The following KAZN variants were observed in gnomAD, a reference collection of about 807,000 sequenced individuals.
KAZN encodes kazrin.
A neutral mutation model predicts 87.4 loss-of-function variants in KAZN; 40 were observed. That is an observed-to-expected ratio of 0.46 (90% CI 0.36 to 0.60). The LOEUF is 0.60. KAZN is among the 20% of genes least tolerant of loss of function. The pLI is 0.00. For missense variants in KAZN, 898 were observed against 1,073.9 expected (o/e 0.84, Z 2.29); for synonymous variants, 466 against 458.3 (o/e 1.02, Z -0.22).
chr1:14,056,235 C>T (rs531306251), intron 1 of KAZN, among the ~76,000 whole-genome samples: 9 of 152,300 alleles, frequency 5.9e-5, no homozygotes, highest in South Asian at 2.1e-4. Context: ...ACATGGCAGA[C>T]GAGCTCCGCA....
At position 15,065,614 on chromosome 1, in the gene KAZN, G is replaced by A. The variant is rs746867156; in HGVS notation, c.1099-16G>A. ...CTTCTCCCCCACCCTCTTCCACGTG[G>A]CTCCTGACTCCTCAGTCACTAGAGG... On this transcript the variant is annotated splice_polypyrimidine_tract_variant and intron_variant, in intron 7 of 14. Transcript: ENST00000376030. The A allele has an allele frequency of 1.3e-6, 2 of 1,596,524 alleles. No individual in the cohort carries two copies. Among genetic ancestry groups the A allele is most frequent in the Non-Finnish European group, 1.7e-6 (2 of 1,168,362 alleles).
chr1:14,173,575 A>G (rs1646001587), intron 1 of KAZN, among the ~76,000 whole-genome samples: 1 of 152,212 alleles, frequency 6.6e-6, no homozygotes, highest in African/African-American at 2.4e-5. Flanking sequence ...ACTATTGAGA[A>G]AGAGATAGCT....
In KAZN at chr1:14,239,407, C is replaced by CTGACTTT. The variant is rs373125624; in HGVS notation, c.249+58818_249+58824dup. Among the ~76,000 whole-genome samples, 384 of 149,774 alleles carry CTGACTTT rather than the reference C, an allele frequency of 2.6e-3. 2 individuals carry two copies. Among genetic ancestry groups the CTGACTTT allele is most frequent in the Middle Eastern group, 0.014 (4 of 280 alleles). ...TAAAGAGGAAACTAAAGAGTTTGAG[C>CTGACTTT]TGACTTTTGTTTTACTTGGCAGTAA... On this transcript the variant is annotated intron_variant, in intron 2 of 16. Coordinates refer to the KAZN transcript ENST00000636203.
At chr1:14,282,540 C>G (rs1652915959) in intron 2 of KAZN, among the ~76,000 whole-genome samples, 1 of 152,202 alleles carries the variant, frequency 6.6e-6, no homozygotes. Context: ...ACAGAATGCT[C>G]TAATTCTTTC....
At chr1:14,922,716 C>T (rs1480261216) in intron 1 of KAZN, among the ~76,000 whole-genome samples, 4 of 146,648 alleles carry the variant, frequency 2.7e-5, no homozygotes, top group Non-Finnish European at 4.4e-5. Context: ...CGCTTGAACC[C>T]GGGAGGCGGA....
chr1:14,681,203 A>T (rs1232764903), intron 1 of KAZN, among the ~76,000 whole-genome samples: 1 of 152,194 alleles, frequency 6.6e-6, no homozygotes, highest in African/African-American at 2.4e-5. Context: ...TCGCAACATG[A>T]GGTTTGGGTG....
intron 1 of KAZN, among the ~76,000 whole-genome samples, chr1:14,742,007 T>C (rs929212020): frequency 6.6e-6 from 1 of 152,188 alleles, no homozygotes; most frequent in Non-Finnish European, 1.5e-5. Flanking sequence ...ATTCACCTTC[T>C]TGATACTATG....
chr1:14,379,363 GA>G (rs1557675895), intron 2 of KAZN, among the ~76,000 whole-genome samples: 1 of 151,990 alleles, frequency 6.6e-6, no homozygotes, highest in Non-Finnish European at 1.5e-5. Flanking sequence ...AAAGTAGGGG[GA>G]AAAGTAAACA....
intron 2 of KAZN, among the ~76,000 whole-genome samples, chr1:14,300,678 G>A (rs751483813): frequency 2.0e-5 from 3 of 152,214 alleles, no homozygotes; most frequent in Non-Finnish European, 2.9e-5. Context: ...ACAATGGCCT[G>A]ACTGAGATAG....
At chr1:14,383,004 T>C (rs1013796281) in intron 2 of KAZN, among the ~76,000 whole-genome samples, 16 of 150,806 alleles carry the variant, frequency 1.1e-4, no homozygotes, top group South Asian at 8.4e-4. Flanking sequence ...TTTTAATGAT[T>C]GCCATTCTAA....
intron 2 of KAZN, among the ~76,000 whole-genome samples, chr1:14,969,606 T>A (rs1285025203): frequency 6.6e-6 from 1 of 152,132 alleles, no homozygotes; most frequent in Non-Finnish European, 1.5e-5. Flanking sequence ...TGTTAACAGA[T>A]CCCCCTTAAA....
chr1:13,912,043 C>T (rs1476623708), intron 1 of KAZN, among the ~76,000 whole-genome samples: 1 of 152,092 alleles, frequency 6.6e-6, no homozygotes, highest in East Asian at 1.9e-4. Context: ...AGATGGCAAG[C>T]CTCTAATGTA....
At chr1:14,313,075 G>A (rs1655412817) in intron 2 of KAZN, among the ~76,000 whole-genome samples, 1 of 152,144 alleles carries the variant, frequency 6.6e-6, no homozygotes, top group Non-Finnish European at 1.5e-5. Context: ...ATAGAGAAAT[G>A]TAGACAAATC....
intron 2 of KAZN, among the ~76,000 whole-genome samples, chr1:14,409,853 C>T (rs529016180): frequency 1.3e-4 from 20 of 152,098 alleles, no homozygotes; most frequent in Middle Eastern, 3.4e-3. Flanking sequence ...TAAGCTAGAC[C>T]ATCAAAAAAC....
chr1:14,999,556 C>T (rs1282589148), intron 2 of KAZN, among the ~76,000 whole-genome samples: 3 of 149,440 alleles, frequency 2.0e-5, no homozygotes, highest in African/African-American at 5.0e-5. Flanking sequence ...ATGAGGCCTT[C>T]GGAAATGGCT....
At chr1:14,286,219 G>A (rs1014068475) in intron 2 of KAZN, among the ~76,000 whole-genome samples, 1 of 151,912 alleles carries the variant, frequency 6.6e-6, no homozygotes, top group Admixed American at 6.6e-5. Flanking sequence ...TTAGCTTGTA[G>A]ATGGCTACAT....
intron 1 of KAZN, among the ~76,000 whole-genome samples, chr1:14,027,312 C>T (rs1242876344): frequency 1.3e-5 from 2 of 152,172 alleles, no homozygotes; most frequent in Non-Finnish European, 2.9e-5. Flanking sequence ...CCCTTGGAAG[C>T]CTAATGAGGC....
chr1:14,490,837 G>T (rs188704004), intron 2 of KAZN, among the ~76,000 whole-genome samples: 1 of 152,078 alleles, frequency 6.6e-6, no homozygotes, highest in Non-Finnish European at 1.5e-5. Flanking sequence ...CCACATAATC[G>T]ATTTCAACAT....
At chr1:14,517,550 C>A (rs1031458508) in intron 2 of KAZN, among the ~76,000 whole-genome samples, 1 of 152,200 alleles carries the variant, frequency 6.6e-6, no homozygotes, top group African/African-American at 2.4e-5. Flanking sequence ...GGAACACATG[C>A]CTTAGCGCCA....
Sources: allele counts gnomAD v4.1 joint callset (sites outside exome capture counted in the v4.1 genomes callset), GRCh38; gene constraint gnomAD v4.1.1; transcripts MANE v1.5; gene names NCBI Gene and HGNC (gene_info 2026-07-23, HGNC 2026-07-21).